ZNF606: variants seen among roughly 807,000 people sequenced by gnomAD.
The protein encoded by ZNF606 is zinc finger protein 328.
ZNF606 carries 37 observed loss-of-function variants against 74.9 expected under a neutral mutation model. That is an observed-to-expected ratio of 0.49 (90% CI 0.38 to 0.65). The LOEUF is 0.65. Among genes scored for constraint, ZNF606 ranks in the 30% least tolerant of loss-of-function variants. The pLI is 0.00. For synonymous variants in ZNF606, 328 were observed against 312.4 expected (o/e 1.05, Z -0.53); for missense variants, 852 against 952.9 (o/e 0.89, Z 1.39).
chr19:57,990,436 C>G (rs1390829831), intron 4 of ZNF606, among the ~76,000 whole-genome samples: 5 of 149,310 alleles, frequency 3.3e-5, no homozygotes, highest in Non-Finnish European at 7.4e-5. Flanking sequence ...ACTGGGAAAG[C>G]TGAAGAAGTG....
intron 1 of ZNF606, among the ~76,000 whole-genome samples, chr19:58,001,711 TG>T (rs1872286929): frequency 6.6e-6 from 1 of 152,092 alleles, no homozygotes; most frequent in African/African-American, 2.4e-5. Flanking sequence ...TGCCTAGAGC[TG>T]GGGGAAAAAT....
chr19:57,988,055 T>C (rs1464451289), intron 6 of ZNF606, 152 bp downstream of exon 6: 2 of 595,710 alleles, frequency 3.4e-6, no homozygotes, highest in Non-Finnish European at 5.7e-6. Context: ...GTGATGCTTC[T>C]TTGCTCTAAA....
intron 5 of ZNF606, 26 bp downstream of exon 5, chr19:57,988,569 G>C (rs376704144): frequency 1.3e-5 from 21 of 1,604,848 alleles, no homozygotes; most frequent in African/African-American, 2.7e-5. Context: ...GAACAGCTTC[G>C]TTTACTTGGG....
In ZNF606 at chr19:57,978,384, A is replaced by C; in HGVS notation, c.2296T>G (p.Cys766Gly). Residue 766 changes from cysteine to glycine, a missense_variant, in exon 7 of 7, where the codon TGC becomes GGC. Physicochemically the swap from Cys to Gly is radical, Grantham distance 159. This residue lies in a region of ZNF606 where 64 missense variants were observed against 51.1 expected (regional missense o/e 1.25). Transcript: ENST00000551380. This position sits in a 1 kb window ranked among gnomAD's most constrained non-coding sequence, Gnocchi z 4.4. Reference sequence around the variant, plus strand: ...CTAAAGGCTTTTCCACATTCACTGCATATAAAGCGTTTCTCTCCACTATGC... The same window carrying C: ...CTAAAGGCTTTTCCACATTCACTGCCTATAAAGCGTTTCTCTCCACTATGC... ...RMHSGEKRFI[C>G]SECGKAFSGH... The C allele has an allele frequency of 6.2e-7, 1 of 1,613,108 alleles. No individual in the cohort carries two copies. Among genetic ancestry groups the C allele is most frequent in the Admixed American group, 1.7e-5 (1 of 60,004 alleles).
chr19:57,983,880 TAGA>T (rs1568575604), intron 6 of ZNF606, among the ~76,000 whole-genome samples: 4 of 152,108 alleles, frequency 2.6e-5, no homozygotes, highest in Admixed American at 2.0e-4. Flanking sequence ...ATAGAAAAAA[TAGA>T]AGGTTTTGAA....
rs2073005322 is a variant in ZNF606, at chr19:57,977,338, G to A, written c.*963C>T. 6.6e-6 allele frequency: 1 copy of A among 152,144 alleles called. No individual in the cohort carries two copies. Among genetic ancestry groups the A allele is most frequent in the South Asian group, 2.1e-4 (1 of 4,824 alleles). The allele number at this position is 152,144 out of a possible 1,614,324, so 9.4% of individuals were successfully genotyped here. ...AAGGGGACTAAACAAGTTAACACTT[G>A]GAAAGCATTTAAAAGAAAGCCCAGC... On this transcript the variant is annotated 3_prime_UTR_variant, in exon 7 of 7. Transcript: ENST00000551380.
intron 6 of ZNF606, among the ~76,000 whole-genome samples, chr19:57,982,821 A>T (rs890455713): frequency 6.6e-6 from 1 of 151,904 alleles, no homozygotes; most frequent in African/African-American, 2.4e-5. Context: ...ATGTTTTTAA[A>T]TTTTTTATAG....
In ZNF606 at chr19:57,978,753, G is replaced by C; in HGVS notation, c.1927C>G (p.Gln643Glu). Residue 643 changes from glutamine to glutamate, a missense_variant, in exon 7 of 7, where the codon CAA becomes GAA. Physicochemically the swap from Gln to Glu is conservative, Grantham distance 29. Around this residue, in one of 3 missense-constraint regions of ZNF606, gnomAD observed 243 missense variants for 359.2 expected, o/e 0.68. Coordinates refer to ENST00000551380, the MANE Select transcript of ZNF606 (RefSeq NM_001348022.3). The surrounding 1 kb of genome is among the most constrained non-coding windows in gnomAD (Gnocchi z 4.4). ...CSQMAHLVRH[Q>E]RTHTGEKPYE... ...GGTTTTTCTCCAGTATGAGTCCTTT[G>C]ATGTCTAACAAGGTGAGCCATCTGG... 2 of 1,614,048 alleles carry C rather than the reference G, an allele frequency of 1.2e-6. No homozygotes were observed. Among genetic ancestry groups the C allele is most frequent in the South Asian group, 2.2e-5 (2 of 91,080 alleles).
In ZNF606 at chr19:57,978,893, T is replaced by C; in HGVS notation, c.1787A>G (p.Tyr596Cys). The change falls in exon 7 of 7, where the codon TAT becomes TGT. Residue 596 changes from tyrosine to cysteine, a missense_variant. This residue lies in a region of ZNF606 where 243 missense variants were observed against 359.2 expected (regional missense o/e 0.68). Transcript: ENST00000551380. This position sits in a 1 kb window ranked among gnomAD's most constrained non-coding sequence, Gnocchi z 4.4. Reference sequence around the variant, plus strand: ...TGCTTTGCCACATTCCTGACAGTTATATGGTTTCTCTCCCGTGTGAGTTCT... The same window carrying C: ...TGCTTTGCCACATTCCTGACAGTTACATGGTTTCTCTCCCGTGTGAGTTCT... The part of the protein sequence containing the change: ...HQRTHTGEKP[Y>C]NCQECGKAFR... The C allele has an allele frequency of 6.2e-7, 1 of 1,614,150 alleles. No individual in the cohort carries two copies. Among genetic ancestry groups the C allele is most frequent in the South Asian group, 1.1e-5 (1 of 91,078 alleles).
chr19:58,001,303 G>A lies in ZNF606; in HGVS notation c.17C>T (p.Pro6Leu), dbSNP rs2073424234. 6.2e-6 allele frequency: 10 copies of A among 1,613,994 alleles called. No homozygotes were observed. Among genetic ancestry groups the A allele is most frequent in the South Asian group, 1.1e-5 (1 of 91,086 alleles). Residue 6 changes from proline to leucine, a missense_variant, in exon 2 of 7, where the codon CCG (proline) becomes CTG (leucine). Transcript: ENST00000551380. The stretch of plus-strand genomic sequence containing the variant: ...CTTGGACTCACCCCAGGAGGCCCAC[G>A]GGTTGATGGCTGCCATCCCGAGGAC... MAAIN[P>L]WASWGALTDQ...
At chr19:57,990,662 T>C (rs2073244916) in intron 4 of ZNF606, among the ~76,000 whole-genome samples, 1 of 151,692 alleles carries the variant, frequency 6.6e-6, no homozygotes, top group Non-Finnish European at 1.5e-5. Flanking sequence ...AGCTACATCA[T>C]ATCACTTCTA....
chr19:57,986,922 A>G (rs2073171975), intron 6 of ZNF606, among the ~76,000 whole-genome samples: 1 of 152,094 alleles, frequency 6.6e-6, no homozygotes, highest in Admixed American at 6.5e-5. Context: ...TGTCTCTACA[A>G]AAAAAAATTT....
intron 1 of ZNF606, 115 bp downstream of exon 1, chr19:58,002,281 G>C (rs1488614095): frequency 2.2e-6 from 1 of 456,744 alleles, no homozygotes; most frequent in South Asian, 1.5e-5. Flanking sequence ...GGGGTTATTC[G>C]TCCCATCAAT....
intron 3 of ZNF606, 87 bp downstream of exon 3, chr19:58,000,596 T>C: frequency 1.4e-6 from 2 of 1,412,168 alleles, no homozygotes; most frequent in Middle Eastern, 1.8e-4. Context: ...CCCCACCTGG[T>C]CCCCATTCTA....
chr19:57,991,491 T>C (rs1168407420), intron 4 of ZNF606, among the ~76,000 whole-genome samples: 1 of 152,150 alleles, frequency 6.6e-6, no homozygotes, highest in Admixed American at 6.5e-5. Context: ...TTTATGGTAA[T>C]GTAAGGTTTT....
At chr19:57,980,664 T>C (rs1226545620) in intron 6 of ZNF606, among the ~76,000 whole-genome samples, 1 of 151,960 alleles carries the variant, frequency 6.6e-6, no homozygotes, top group African/African-American at 2.4e-5. Context: ...TGAAACCCTG[T>C]CTCTACTAAA....
At chr19:57,989,704 C>T (rs1254147947) in intron 4 of ZNF606, among the ~76,000 whole-genome samples, 1 of 151,860 alleles carries the variant, frequency 6.6e-6, no homozygotes, top group Non-Finnish European at 1.5e-5. Context: ...ACCTTGGCCT[C>T]CCAAAATGCT....
chr19:58,001,980 AC>A, intron 1 of ZNF606: 1 of 353,986 alleles, frequency 2.8e-6, no homozygotes, highest in Non-Finnish European at 5.6e-6. Context: ...TGGCGCCCAG[AC>A]CCCTAACTCC....
At chr19:57,985,861 GA>G (rs2073156079) in intron 6 of ZNF606, among the ~76,000 whole-genome samples, 1 of 152,018 alleles carries the variant, frequency 6.6e-6, no homozygotes, top group African/African-American at 2.4e-5. Flanking sequence ...TTGAACCCAG[GA>G]GGCAGAGGCT....
Sources: allele counts gnomAD v4.1 joint callset (sites outside exome capture counted in the v4.1 genomes callset), GRCh38; gene constraint gnomAD v4.1.1; regional missense constraint gnomAD v4.1.1; non-coding constraint Gnocchi (gnomAD v3.1); transcripts MANE v1.5; gene names NCBI Gene and HGNC (gene_info 2026-07-23, HGNC 2026-07-21).